Variants in UGDH observed in about 807,000 individuals in gnomAD.
The protein encoded by UGDH is UDP-Glc dehydrogenase.
UGDH carries 38 observed loss-of-function variants against 50.6 expected under a neutral mutation model. The ratio of observed to expected loss-of-function variants is 0.75; its 90% CI spans 0.58 to 0.98. The LOEUF (loss-of-function observed/expected upper bound fraction) is 0.98. Ranked by LOEUF, UGDH falls within the 50% of genes least tolerant of loss-of-function variation. The pLI is 0.00. For missense variants in UGDH, 465 were observed against 606.2 expected (o/e 0.77, Z 2.45); for synonymous variants, 168 against 199.9 (o/e 0.84, Z 1.35).
chr4:39,525,199 T>G lies in UGDH; in HGVS notation c.-8+2084A>C, dbSNP rs139735185. Among the ~76,000 whole-genome samples, 8 of 152,360 alleles carry G rather than the reference T, an allele frequency of 5.3e-5. No individual in the cohort carries two copies. The East Asian group carries it at 1.2e-3, about 22-fold the overall frequency. ...GATGTCTGCCAACTCCATTTTCTATTTCTTTTTTCTTTTTGAGACGGAGTC... is the reference window on the plus strand; with the variant it reads ...GATGTCTGCCAACTCCATTTTCTATGTCTTTTTTCTTTTTGAGACGGAGTC... On this transcript the variant is annotated intron_variant, in intron 1 of 11. Coordinates refer to ENST00000316423, the MANE Select transcript of UGDH (RefSeq NM_003359.4).
At position 39,505,383 on chromosome 4, in the gene UGDH, A is replaced by T; in HGVS notation, c.1038-13T>A. 6.6e-7 allele frequency: 1 copy of T among 1,506,308 alleles called. No individual in the cohort carries two copies. Among genetic ancestry groups the T allele is most frequent in the African/African-American group, 1.4e-5 (1 of 70,262 alleles). The allele number at this position is 1,506,308 out of a possible 1,614,324, so 93.3% of individuals were successfully genotyped here. A position where few individuals can be genotyped will look rare whatever the true frequency, so the allele number is the denominator to read the frequency against. ...ACTAGAAGATTCTCTATAGGAAAAA[A>T]AAAATCAGTATTGGTAAGCTTTATG... On this transcript the variant is annotated splice_polypyrimidine_tract_variant and intron_variant, in intron 8 of 11. Transcript: ENST00000316423.
intron 6 of UGDH, 78 bp downstream of exon 6, chr4:39,509,682 A>C (rs1023906753): frequency 2.7e-6 from 4 of 1,485,706 alleles, no homozygotes; most frequent in Non-Finnish European, 3.6e-6. Flanking sequence ...GAGATATATA[A>C]AGCGCTGGTA....
intron 6 of UGDH, among the ~76,000 whole-genome samples, chr4:39,509,069 G>T (rs970931484): frequency 6.7e-6 from 1 of 150,168 alleles, no homozygotes; most frequent in Non-Finnish European, 1.5e-5. Context: ...TGACCTCCTG[G>T]GCTCAGGTGA....
At position 39,504,509 on chromosome 4, in the gene UGDH, C is replaced by T. The variant is rs368276151; in HGVS notation, c.1172-1G>A. 1.7e-5 allele frequency: 28 copies of T among 1,613,160 alleles called. No homozygotes were observed. Among genetic ancestry groups the T allele is most frequent in the Non-Finnish European group, 2.3e-5 (27 of 1,179,550 alleles). ...TTGGAAATGGTCACGAGCCGGGACACTGTAACAATAGCAACAACAAAAAAA... is the reference window on the plus strand; with the variant it reads ...TTGGAAATGGTCACGAGCCGGGACATTGTAACAATAGCAACAACAAAAAAA... On this transcript the variant is annotated splice_acceptor_variant, in intron 9 of 11. Transcript: ENST00000316423. LOFTEE classifies it high-confidence loss of function.
intron 11 of UGDH, among the ~76,000 whole-genome samples, chr4:39,502,493 G>A (rs901211947): frequency 4.6e-5 from 7 of 152,184 alleles, no homozygotes; most frequent in Non-Finnish European, 1.0e-4. Flanking sequence ...ATAGCAAGCT[G>A]TCAAACACTG....
rs573140799 is a variant in UGDH at position 39,501,365 on chromosome 4, C to T, written c.1375-1112G>A. ...TCTCGGCTCACTGCAAGCTCTGCCT[C>T]CCGGTTCACACCATTCTCCTGCCTC... On this transcript the variant is annotated intron_variant, in intron 11 of 11. Transcript: ENST00000316423. Among the ~76,000 whole-genome samples the T allele has an allele frequency of 5.9e-5, 9 of 151,836 alleles. No homozygotes were observed. In the South Asian group the frequency reaches 1.7e-3, roughly 28 times the overall value.
chr4:39,526,096 A>G (rs1314974716), intron 1 of UGDH, among the ~76,000 whole-genome samples: 1 of 152,248 alleles, frequency 6.6e-6, no homozygotes, highest in African/African-American at 2.4e-5. Context: ...CATATTTTGC[A>G]TAGGTACCCA....
At chr4:39,516,701 T>G (rs1039534488) in intron 2 of UGDH, among the ~76,000 whole-genome samples, 4 of 152,208 alleles carry the variant, frequency 2.6e-5, no homozygotes, top group African/African-American at 9.7e-5. Context: ...AATGTACATA[T>G]GAATTTCCAT....
chr4:39,502,939 CG>C (rs1168465757), intron 11 of UGDH, among the ~76,000 whole-genome samples: 10 of 151,804 alleles, frequency 6.6e-5, no homozygotes. Flanking sequence ...TTTCCCAAAA[CG>C]GAGTCTTGCT....
intron 9 of UGDH, 113 bp from the exon 10 acceptor site, chr4:39,504,621 A>C: frequency 1.1e-6 from 1 of 937,042 alleles, no homozygotes; most frequent in Non-Finnish European, 1.7e-6. Flanking sequence ...TAGATGTCTG[A>C]AACTGTGGAG....
At chr4:39,519,693 T>A (rs1746572774) in intron 2 of UGDH, among the ~76,000 whole-genome samples, 1 of 151,892 alleles carries the variant, frequency 6.6e-6, no homozygotes, top group African/African-American at 2.4e-5. Context: ...TGCGCACCAC[T>A]GCACCCGGCT....
chr4:39,513,678 G>A lies in UGDH; in HGVS notation c.264+405C>T, dbSNP rs537561878. Among the ~76,000 whole-genome samples the A allele has an allele frequency of 3.3e-5, 5 of 151,734 alleles. No homozygotes were observed. In the East Asian group the frequency reaches 7.8e-4, roughly 24 times the overall value. On this transcript the variant is annotated intron_variant, in intron 3 of 11. Transcript: ENST00000316423. ...CAGCCTCTTGAGTAGCTGGGACTGCGGGTGCACACCACCACGCCCAGCTAA... is the reference window on the plus strand; with the variant it reads ...CAGCCTCTTGAGTAGCTGGGACTGCAGGTGCACACCACCACGCCCAGCTAA...
intron 8 of UGDH, 114 bp downstream of exon 8, chr4:39,505,504 T>C (rs1202193211): frequency 1.8e-6 from 2 of 1,115,516 alleles, no homozygotes. Context: ...TTATTTTTAT[T>C]CTTTATATTT....
At chr4:39,527,055 G>A in intron 1 of UGDH, 1 of 1,289,438 alleles carries the variant, frequency 7.8e-7, no homozygotes, top group Non-Finnish European at 1.0e-6. Flanking sequence ...AGACTCACGA[G>A]TCTTGAATAA....
chr4:39,521,498 C>A lies in UGDH; in HGVS notation c.15G>T (p.Lys5Asn). The part of the protein sequence containing the change: MFEI[K>N]KICCIGAGYV... ...AGCCTGCACCGATGCAACAGATCTT[C>A]TTAATTTCAAACATGATTGTACTAG... The change falls in exon 2 of 12, where the codon AAG becomes AAT. Residue 5 changes from lysine to asparagine, a missense_variant. Coordinates refer to ENST00000316423, the MANE Select transcript of UGDH (RefSeq NM_003359.4). 1 of 1,597,094 alleles carries A rather than the reference C, an allele frequency of 6.3e-7. No homozygotes were observed. The highest frequency in any genetic ancestry group is 8.5e-7 in the Non-Finnish European group (1 of 1,172,842).
At chr4:39,525,595 C>T (rs1407200832) in intron 1 of UGDH, among the ~76,000 whole-genome samples, 1 of 151,756 alleles carries the variant, frequency 6.6e-6, no homozygotes, top group African/African-American at 2.4e-5. Context: ...AAAGCTCTGC[C>T]TCCCAGGTTC....
intron 7 of UGDH, among the ~76,000 whole-genome samples, chr4:39,507,751 C>T (rs1190765844): frequency 6.6e-6 from 1 of 152,004 alleles, no homozygotes; most frequent in African/African-American, 2.4e-5. Context: ...AGTTTCAGAC[C>T]AGCCTGGGCA....
intron 1 of UGDH, chr4:39,526,989 G>C (rs527372967): frequency 2.3e-6 from 3 of 1,287,236 alleles, no homozygotes; most frequent in African/African-American, 3.0e-5. Context: ...GGAGGCGGCA[G>C]GGAAATCTCA....
At chr4:39,508,324 C>T (rs1746105399) in intron 7 of UGDH, among the ~76,000 whole-genome samples, 1 of 152,178 alleles carries the variant, frequency 6.6e-6, no homozygotes, top group Non-Finnish European at 1.5e-5. Flanking sequence ...GCCTCCAACT[C>T]CTAGGCTCAA....
Sources: allele counts gnomAD v4.1 joint callset (sites outside exome capture counted in the v4.1 genomes callset), GRCh38; gene constraint gnomAD v4.1.1; transcripts MANE v1.5; gene names NCBI Gene and HGNC (gene_info 2026-07-23, HGNC 2026-07-21).